PRKCB: variants seen among roughly 807,000 people sequenced by gnomAD.
PRKCB encodes protein kinase C beta, also known as protein kinase C beta type.
In PRKCB, 13 loss-of-function variants were observed where a neutral mutation model predicts 81.5. The observed-to-expected ratio is 0.16, with a 90% confidence interval of 0.10 to 0.25. The LOEUF is 0.25. Among genes scored for constraint, PRKCB ranks in the 10% least tolerant of loss-of-function variants. The probability of loss-of-function intolerance (pLI) is 1.00; values close to 1 mark genes in which losing one functional copy is unlikely to be tolerated. For synonymous variants in PRKCB, 335 were observed against 321.4 expected, an observed-to-expected ratio of 1.04 and a Z score of -0.45; for missense variants, 509 against 875.7, an observed-to-expected ratio of 0.58 and a Z score of 5.29.
At chr16:24,139,464 C>T (rs1320803477) in intron 9 of PRKCB, among the ~76,000 whole-genome samples, 3 of 152,178 alleles carry the variant, frequency 2.0e-5, no homozygotes, top group Non-Finnish European at 4.4e-5. Flanking sequence ...CCACTCCTCC[C>T]CTTTCTAGCA....
At chr16:23,855,164 A>T (rs1962543441) in intron 2 of PRKCB, among the ~76,000 whole-genome samples, 1 of 151,948 alleles carries the variant, frequency 6.6e-6, no homozygotes, top group African/African-American at 2.4e-5. Flanking sequence ...AGGGGGTGGC[A>T]GGAGAGAGAG....
intron 3 of PRKCB, among the ~76,000 whole-genome samples, chr16:24,000,903 T>C (rs1328423573): frequency 6.6e-6 from 1 of 152,168 alleles, no homozygotes; most frequent in East Asian, 1.9e-4. Context: ...TATGTATTGC[T>C]CCAATGACCT....
chr16:24,064,584 A>C (rs1281570722), intron 5 of PRKCB, among the ~76,000 whole-genome samples: 2 of 152,072 alleles, frequency 1.3e-5, no homozygotes, highest in Admixed American at 1.3e-4. Flanking sequence ...GTGTGTGTAA[A>C]TTAGTTTCGT....
At chr16:23,925,541 G>T (rs1963884541) in intron 2 of PRKCB, among the ~76,000 whole-genome samples, 2 of 152,064 alleles carry the variant, frequency 1.3e-5, no homozygotes, top group Admixed American at 6.5e-5. Context: ...ACATTGTCTT[G>T]TCAGCCTTGA....
chr16:23,863,249 T>TATACATAC (rs1962713069), intron 2 of PRKCB, among the ~76,000 whole-genome samples: 1 of 56,012 alleles, frequency 1.8e-5, no homozygotes, highest in Non-Finnish European at 4.1e-5. Context: ...TACATATATA[T>TATACATAC]ACACATACAC....
At chr16:23,863,285 C>CAT (rs1555479535) in intron 2 of PRKCB, among the ~76,000 whole-genome samples, 3 of 147,512 alleles carry the variant, frequency 2.0e-5, no homozygotes, top group Non-Finnish European at 4.5e-5. Flanking sequence ...CACACACACA[C>CAT]GAATATTTTA....
At chr16:23,904,937 G>A (rs1004187) in intron 2 of PRKCB, among the ~76,000 whole-genome samples, 146,659 of 152,208 alleles carry the variant, frequency 0.96, 70,693 homozygotes, top group East Asian at 1. Context: ...TTATTTCTCC[G>A]TATTGTCATG....
At chr16:23,997,118 A>G (rs776136300) in intron 3 of PRKCB, among the ~76,000 whole-genome samples, 2 of 152,210 alleles carry the variant, frequency 1.3e-5, no homozygotes, top group African/African-American at 4.8e-5. Context: ...CAATGATTCT[A>G]TTGATAGTTA....
chr16:24,074,839 G>A (rs1422003647), intron 5 of PRKCB, among the ~76,000 whole-genome samples: 1 of 152,118 alleles, frequency 6.6e-6, no homozygotes, highest in African/African-American at 2.4e-5. Flanking sequence ...TTAAATTAAC[G>A]AGCTTGGCCT....
Position 24,216,291 on chromosome 16 carries a change from T to C in PRKCB, c.*1475T>C, listed in dbSNP as rs1968227067. On this transcript the variant is annotated 3_prime_UTR_variant, in exon 17 of 17. Coordinates refer to ENST00000643927, the MANE Select transcript of PRKCB (RefSeq NM_002738.7). Reference sequence around the variant, plus strand: ...AACGTGAATGGGGCTCTTGATTTTCTTATCAAAATCACCACTCCTCCCAGC... The same window carrying C: ...AACGTGAATGGGGCTCTTGATTTTCCTATCAAAATCACCACTCCTCCCAGC... 2 of 985,420 alleles carry C rather than the reference T, an allele frequency of 2.0e-6. No homozygotes were observed. The highest frequency in any genetic ancestry group is 5.2e-4 in the Middle Eastern group (1 of 1,914). The allele number at this position is 985,420 out of a possible 1,614,324, so 61.0% of individuals were successfully genotyped here. A position where few individuals can be genotyped will look rare whatever the true frequency, so the allele number is the denominator to read the frequency against.
At chr16:23,849,406 A>G (rs1201052059) in intron 2 of PRKCB, among the ~76,000 whole-genome samples, 5 of 152,198 alleles carry the variant, frequency 3.3e-5, no homozygotes, top group Non-Finnish European at 7.4e-5. Context: ...GGATGGCCCT[A>G]TATTGAAGAT....
intron 9 of PRKCB, among the ~76,000 whole-genome samples, chr16:24,146,001 T>C (rs1966983129): frequency 6.6e-6 from 1 of 152,214 alleles, no homozygotes; most frequent in Non-Finnish European, 1.5e-5. Flanking sequence ...ATCCAATGGC[T>C]GGTGTCCTCA....
At chr16:24,016,304 A>G (rs1311418857) in intron 3 of PRKCB, among the ~76,000 whole-genome samples, 3 of 152,110 alleles carry the variant, frequency 2.0e-5, no homozygotes, top group Admixed American at 2.0e-4. Context: ...CTGGGTGGTC[A>G]TGGTGAAAGC....
rs1968301498 is a variant in PRKCB at position 24,220,172 on chromosome 16, T to C, written c.*5356T>C. ...TAAGACTTCAAGCCAAGCGTATGTA[T>C]CAATTCTAGTCTTCCAGGATTCACG... On this transcript the variant is annotated 3_prime_UTR_variant, in exon 17 of 17. Coordinates refer to ENST00000643927, the MANE Select transcript of PRKCB (RefSeq NM_002738.7). 1 of 1,585,570 alleles carries C rather than the reference T, an allele frequency of 6.3e-7. No homozygotes were observed. Among genetic ancestry groups the C allele is most frequent in the African/African-American group, 1.3e-5 (1 of 74,366 alleles).
intron 9 of PRKCB, among the ~76,000 whole-genome samples, chr16:24,124,359 G>C (rs1359774735): frequency 6.6e-6 from 1 of 152,292 alleles, no homozygotes; most frequent in East Asian, 1.9e-4. Context: ...CTAGCAGAAG[G>C]AGGTATAGGA....
intron 10 of PRKCB, among the ~76,000 whole-genome samples, chr16:24,158,301 T>C (rs541278650): frequency 6.6e-5 from 10 of 152,174 alleles, no homozygotes; most frequent in South Asian, 2.1e-4. Flanking sequence ...ATAAATTAAA[T>C]TTATTTTCAA....
chr16:24,008,571 G>A (rs1179928383), intron 3 of PRKCB, among the ~76,000 whole-genome samples: 2 of 152,162 alleles, frequency 1.3e-5, no homozygotes, highest in Non-Finnish European at 2.9e-5. Flanking sequence ...CAGAGCCCCA[G>A]AAGCCCTTCT....
intron 5 of PRKCB, among the ~76,000 whole-genome samples, chr16:24,085,137 G>T (rs1596541407): frequency 8.1e-6 from 1 of 123,530 alleles, no homozygotes; most frequent in Non-Finnish European, 1.7e-5. Context: ...GAACTGGAGG[G>T]TTTGATGAAA....
At chr16:24,165,883 C>CTTTTTTTTT (rs71154285) in intron 10 of PRKCB, among the ~76,000 whole-genome samples, 318 of 93,970 alleles carry the variant, frequency 3.4e-3, no homozygotes, top group Non-Finnish European at 4.4e-3. Flanking sequence ...TTCTTTCTTT[C>CTTTTTTTTT]TTTTTTTTTT....
Sources: allele counts gnomAD v4.1 joint callset (sites outside exome capture counted in the v4.1 genomes callset), GRCh38; gene constraint gnomAD v4.1.1; transcripts MANE v1.5; gene names NCBI Gene and HGNC (gene_info 2026-07-23, HGNC 2026-07-21).